SOX6: variants seen among roughly 807,000 people sequenced by gnomAD.
The protein encoded by SOX6 is SRY-box transcription factor 6.
In SOX6, 11 loss-of-function variants were observed where a neutral mutation model predicts 97.8. The ratio of observed to expected loss-of-function variants is 0.11; its 90% confidence interval spans 0.07 to 0.19. The LOEUF (loss-of-function observed/expected upper bound fraction) is 0.19. Among genes scored for constraint, SOX6 ranks in the 10% least tolerant of loss-of-function variants. The probability of loss-of-function intolerance (pLI) is 1.00; values close to 1 mark genes in which losing one functional copy is unlikely to be tolerated. For missense variants in SOX6, 810 were observed against 1,039.5 expected, an observed-to-expected ratio of 0.78 and a Z score of 3.04; for synonymous variants, 360 against 371.4, an observed-to-expected ratio of 0.97 and a Z score of 0.35.
chr11:16,613,807 T>G lies in SOX6; in HGVS notation n.430-1547A>C, dbSNP rs571571529. On this transcript the variant is annotated intron_variant and non_coding_transcript_variant, in intron 3 of 5. Coordinates refer to the SOX6 transcript ENST00000524520. The surrounding 1 kb of genome is among the most constrained non-coding windows in gnomAD (Gnocchi z 4.6). ...GCGGTCAGGCTTGGCCGAGCTTTGTTTACGTGCCTAAGTCGCCACCTTGAG... is the reference window on the plus strand; with the variant it reads ...GCGGTCAGGCTTGGCCGAGCTTTGTGTACGTGCCTAAGTCGCCACCTTGAG... 6.6e-6 allele frequency among the ~76,000 whole-genome samples: 1 copy of G among 152,104 alleles called. No individual in the cohort carries two copies. The highest frequency in any genetic ancestry group is 1.5e-5 in the Non-Finnish European group (1 of 68,004).
intron 6 of SOX6, among the ~76,000 whole-genome samples, chr11:16,158,044 G>A (rs1033159310): frequency 6.6e-6 from 1 of 151,988 alleles, no homozygotes; most frequent in Admixed American, 6.6e-5. Context: ...CCAAAGATAA[G>A]TAATTTATCT....
chr11:16,235,126 T>C (rs1031571814), intron 3 of SOX6, among the ~76,000 whole-genome samples: 1 of 151,968 alleles, frequency 6.6e-6, no homozygotes, highest in Non-Finnish European at 1.5e-5. Context: ...CTGTAACCAC[T>C]TAGTTCTTAA....
At position 16,038,829 on chromosome 11, in the gene SOX6, T is replaced by C. The variant is rs1289036042; in HGVS notation, c.1623+7685A>G. 3.9e-5 allele frequency among the ~76,000 whole-genome samples: 6 copies of C among 152,102 alleles called. No homozygotes were observed. The East Asian group carries it at 1.2e-3, about 29-fold the overall frequency. On this transcript the variant is annotated intron_variant, in intron 12 of 15. Coordinates refer to ENST00000683767, the MANE Select transcript of SOX6 (RefSeq NM_001367873.1). ...GCAAATAACTGTAGGTAAAAATGCA[T>C]CTAAAAGATAAATGAAAGATCTGTT...
At chr11:16,466,571 C>T (rs1322542343) in intron 1 of SOX6, among the ~76,000 whole-genome samples, 1 of 151,284 alleles carries the variant, frequency 6.6e-6, no homozygotes, top group Non-Finnish European at 1.5e-5. Context: ...GAAAACTATA[C>T]ATCTGATAAA....
In SOX6 at chr11:16,186,900, C is replaced by T. The variant is rs1376787242; in HGVS notation, c.591G>A (p.Gln197=). The part of the protein sequence containing the change: ...KERQLSTMIT[Q]LISLREQLLA... ...GTAGCTGCTCCCGTAAACTGATCAGCTGGGTAATCATGGTGGAGAGCTGCC... is the reference window on the plus strand; with the variant it reads ...GTAGCTGCTCCCGTAAACTGATCAGTTGGGTAATCATGGTGGAGAGCTGCC... Residue 197 remains glutamine, a synonymous_variant, in exon 5 of 16, where the codon CAG becomes CAA. Transcript: ENST00000683767. The T allele has an allele frequency of 1.2e-5, 19 of 1,613,710 alleles. No homozygotes were observed. Among genetic ancestry groups the T allele is most frequent in the Non-Finnish European group, 1.6e-5 (19 of 1,179,840 alleles).
chr11:16,097,120 G>A (rs1298522330), intron 8 of SOX6, among the ~76,000 whole-genome samples: 3 of 151,778 alleles, frequency 2.0e-5, no homozygotes, highest in African/African-American at 7.3e-5. Flanking sequence ...TTTGACCCTA[G>A]AAAGGGTGAG....
chr11:16,534,824 A>C (rs1861283907), intron 4 of SOX6, among the ~76,000 whole-genome samples: 1 of 152,148 alleles, frequency 6.6e-6, no homozygotes, highest in African/African-American at 2.4e-5. Flanking sequence ...CGTCCATCAC[A>C]TCTTCAACTG....
chr11:16,670,538 T>A (rs1357619584), intron 3 of SOX6, among the ~76,000 whole-genome samples: 1 of 152,070 alleles, frequency 6.6e-6, no homozygotes, highest in Non-Finnish European at 1.5e-5. Context: ...CCTAAGTGCT[T>A]TATTCACACC....
intron 13 of SOX6, among the ~76,000 whole-genome samples, chr11:15,989,453 C>G (rs958068159): frequency 1.3e-5 from 2 of 152,084 alleles, no homozygotes; most frequent in Non-Finnish European, 2.9e-5. Flanking sequence ...GTTTTATACA[C>G]CCTACCACAT....
chr11:16,496,963 G>A (rs1860609564), intron 4 of SOX6, among the ~76,000 whole-genome samples: 1 of 152,214 alleles, frequency 6.6e-6, no homozygotes, highest in African/African-American at 2.4e-5. Context: ...CAGCTTTGAA[G>A]AGAGTAGTGG....
intron 3 of SOX6, among the ~76,000 whole-genome samples, chr11:16,640,454 T>C (rs1013427283): frequency 2.0e-5 from 3 of 152,244 alleles, no homozygotes; most frequent in East Asian, 3.8e-4. Context: ...TCCCTCTTTT[T>C]CTATTGATTG....
chr11:16,190,842 C>T (rs772039377), intron 4 of SOX6, among the ~76,000 whole-genome samples: 2 of 152,086 alleles, frequency 1.3e-5, no homozygotes, highest in African/African-American at 2.4e-5. Flanking sequence ...TGTATTTGTT[C>T]GGGTATAATG....
chr11:16,567,826 C>T (rs1403828715), intron 4 of SOX6, among the ~76,000 whole-genome samples: 1 of 150,852 alleles, frequency 6.6e-6, no homozygotes, highest in Non-Finnish European at 1.5e-5. Flanking sequence ...CCACCCACCT[C>T]AGCCTCCCAC....
chr11:16,711,847 A>G (rs1361000560), intron 3 of SOX6, among the ~76,000 whole-genome samples: 1 of 152,036 alleles, frequency 6.6e-6, no homozygotes, highest in Non-Finnish European at 1.5e-5. Flanking sequence ...CCACATGTGT[A>G]GTCTTTTATC....
chr11:16,065,159 T>C (rs917246339), intron 9 of SOX6, among the ~76,000 whole-genome samples: 3 of 152,060 alleles, frequency 2.0e-5, no homozygotes, highest in Admixed American at 6.6e-5. Flanking sequence ...GATAAATACG[T>C]TCAGCAAAGT....
intron 1 of SOX6, among the ~76,000 whole-genome samples, chr11:16,441,519 C>T (rs1204706744): frequency 6.6e-6 from 1 of 152,112 alleles, no homozygotes; most frequent in Non-Finnish European, 1.5e-5. Context: ...CTGCAGCAAT[C>T]CAAATGCTTC....
chr11:16,627,068 G>A (rs1848632627), intron 3 of SOX6, among the ~76,000 whole-genome samples: 1 of 152,180 alleles, frequency 6.6e-6, no homozygotes, highest in South Asian at 2.1e-4. Flanking sequence ...GTGAGAACAG[G>A]TGGTATTTGG....
At chr11:16,094,636 G>T (rs537794170) in intron 9 of SOX6, among the ~76,000 whole-genome samples, 12 of 151,958 alleles carry the variant, frequency 7.9e-5, no homozygotes, top group African/African-American at 2.7e-4. Flanking sequence ...ATATAAACTT[G>T]TTCCTAATGT....
At chr11:16,498,942 C>T (rs1310229372) in intron 4 of SOX6, among the ~76,000 whole-genome samples, 3 of 152,214 alleles carry the variant, frequency 2.0e-5, no homozygotes, top group African/African-American at 7.2e-5. Context: ...TTGAACTCAG[C>T]TCTGCACCAA....
Sources: allele counts gnomAD v4.1 joint callset (sites outside exome capture counted in the v4.1 genomes callset), GRCh38; gene constraint gnomAD v4.1.1; non-coding constraint Gnocchi (gnomAD v3.1); transcripts MANE v1.5; gene names NCBI Gene and HGNC (gene_info 2026-07-23, HGNC 2026-07-21).